Variants in SPAG16 observed in about 807,000 individuals in gnomAD.
SPAG16 encodes sperm associated antigen 16.
Under a neutral mutation model 80.4 loss-of-function variants are expected in SPAG16, and 86 were observed. That is an observed-to-expected ratio of 1.07 (90% CI 0.90 to 1.28). SPAG16 has a LOEUF of 1.28. SPAG16 is among the 50% of genes most tolerant of loss of function. The probability of loss-of-function intolerance (pLI) is 0.00; values close to 1 mark genes in which losing one functional copy is unlikely to be tolerated. For missense variants in SPAG16, 870 were observed against 765.3 expected (o/e 1.14, Z -1.61); for synonymous variants, 294 against 265.9 (o/e 1.11, Z -1.03).
At chr2:213,871,152 A>C (rs2075928006) in intron 11 of SPAG16, among the ~76,000 whole-genome samples, 2 of 152,184 alleles carry the variant, frequency 1.3e-5, no homozygotes, top group African/African-American at 4.8e-5. Context: ...TTGGACAAAA[A>C]ATCCTAAAAT....
At chr2:214,126,879 A>G (rs1249286332) in intron 14 of SPAG16, among the ~76,000 whole-genome samples, 2 of 151,890 alleles carry the variant, frequency 1.3e-5, no homozygotes, top group African/African-American at 4.8e-5. Flanking sequence ...ACATACATAT[A>G]TATTTTTAAA....
At chr2:214,289,109 G>A (rs2125926971) in intron 15 of SPAG16, among the ~76,000 whole-genome samples, 1 of 152,224 alleles carries the variant, frequency 6.6e-6, no homozygotes, top group South Asian at 2.1e-4. Flanking sequence ...TTGTTGATGA[G>A]TTGTTTTGAG....
chr2:213,666,435 C>A (rs570446114), intron 10 of SPAG16, among the ~76,000 whole-genome samples: 2 of 152,212 alleles, frequency 1.3e-5, no homozygotes, highest in African/African-American at 4.8e-5. Context: ...TCAGTGATAT[C>A]ATTAGTTATC....
chr2:213,656,459 G>T (rs768353297), intron 10 of SPAG16, among the ~76,000 whole-genome samples: 1 of 152,262 alleles, frequency 6.6e-6, no homozygotes, highest in African/African-American at 2.4e-5. Context: ...GCACCCGGCC[G>T]ATGTGTGCCA....
chr2:213,496,028 T>C (rs918419081), intron 10 of SPAG16, among the ~76,000 whole-genome samples: 3 of 152,096 alleles, frequency 2.0e-5, no homozygotes, highest in Non-Finnish European at 2.9e-5. Flanking sequence ...TTAGAGGATT[T>C]TGAACAGAAG....
chr2:213,997,737 G>A lies in SPAG16; in HGVS notation c.1401-16214G>A, dbSNP rs144697688. ...ATAAAATACACTAGTGATAGCTGAT[G>A]AGGTTATAAAAAAATTGCCAGTCTC... is the stretch of plus-strand genomic sequence containing the variant. On this transcript the variant is annotated intron_variant, in intron 12 of 15. Coordinates refer to ENST00000331683, the MANE Select transcript of SPAG16 (RefSeq NM_024532.5). 8.5e-3 allele frequency among the ~76,000 whole-genome samples: 1,294 copies of A among 152,274 alleles called. 18 individuals carry two copies. The highest frequency in any genetic ancestry group is 0.029 in the African/African-American group (1,204 of 41,556).
At chr2:213,865,611 G>A (rs1295294842) in intron 11 of SPAG16, among the ~76,000 whole-genome samples, 8 of 149,556 alleles carry the variant, frequency 5.3e-5, no homozygotes, top group Admixed American at 2.7e-4. Context: ...AATTAATAAT[G>A]AGAATAGAAA....
chr2:213,668,944 G>A (rs2063717393), intron 10 of SPAG16, among the ~76,000 whole-genome samples: 1 of 152,038 alleles, frequency 6.6e-6, no homozygotes, highest in South Asian at 2.1e-4. Flanking sequence ...CACTGCGCCC[G>A]GCCTGAGAAA....
At chr2:213,410,574 T>G (rs1199568556) in intron 9 of SPAG16, among the ~76,000 whole-genome samples, 1 of 152,044 alleles carries the variant, frequency 6.6e-6, no homozygotes, top group Non-Finnish European at 1.5e-5. Context: ...AACCAACTGG[T>G]TTTTGTAATT....
chr2:213,647,890 T>G (rs1303120021), intron 10 of SPAG16, among the ~76,000 whole-genome samples: 2 of 152,184 alleles, frequency 1.3e-5, no homozygotes, highest in Admixed American at 1.3e-4. Flanking sequence ...CTTCAATTCA[T>G]TGGCTCCCTT....
chr2:213,672,457 T>A (rs1048362142), intron 10 of SPAG16, among the ~76,000 whole-genome samples: 2 of 152,154 alleles, frequency 1.3e-5, no homozygotes, highest in African/African-American at 2.4e-5. Context: ...TAAGATTTTT[T>A]AAAAGGAAGA....
chr2:213,288,906 T>C (rs993722790), intron 1 of SPAG16, among the ~76,000 whole-genome samples: 3 of 152,128 alleles, frequency 2.0e-5, no homozygotes, highest in African/African-American at 7.3e-5. Context: ...ACCCCGTGTA[T>C]ATTCAAATGA....
intron 9 of SPAG16, among the ~76,000 whole-genome samples, chr2:213,445,950 T>C (rs1318189067): frequency 6.6e-6 from 1 of 152,208 alleles, no homozygotes; most frequent in Non-Finnish European, 1.5e-5. Flanking sequence ...TTCCAGCCCC[T>C]TAGGGTTAGA....
At chr2:213,898,226 A>T (rs1414087309) in intron 11 of SPAG16, among the ~76,000 whole-genome samples, 1 of 152,190 alleles carries the variant, frequency 6.6e-6, no homozygotes, top group Non-Finnish European at 1.5e-5. Context: ...TAAGAACATG[A>T]ACGTTCTGAT....
chr2:213,351,438 G>C (rs2065321001), intron 7 of SPAG16, among the ~76,000 whole-genome samples: 1 of 152,040 alleles, frequency 6.6e-6, no homozygotes, highest in Non-Finnish European at 1.5e-5. Context: ...TCAAGTTTTT[G>C]GTTATTTTTG....
At chr2:213,479,945 T>C (rs1373509968) in intron 9 of SPAG16, among the ~76,000 whole-genome samples, 1 of 152,200 alleles carries the variant, frequency 6.6e-6, no homozygotes, top group Non-Finnish European at 1.5e-5. Context: ...ATATATCTCT[T>C]CATATGTCCA....
rs557241247 is a variant in SPAG16 at position 213,910,551 on chromosome 2, C to T, written c.1215-19409C>T. 8.1e-5 allele frequency among the ~76,000 whole-genome samples: 7 copies of T among 86,256 alleles called. 2 individuals are homozygous for T. The East Asian group carries it at 1.3e-3, about 15-fold the overall frequency. The allele number at this position is 86,256 out of a possible 152,430, so 56.6% of individuals were successfully genotyped here. On this transcript the variant is annotated intron_variant, in intron 11 of 15. Transcript: ENST00000331683. The stretch of plus-strand genomic sequence containing the variant: ...TCGCCCAGGCTGGAGTGCAGTGGCG[C>T]GATCTCGGCTCACTGCAAGCTCCGC...
chr2:213,566,842 T>A (rs949983559), intron 10 of SPAG16, among the ~76,000 whole-genome samples: 1 of 152,206 alleles, frequency 6.6e-6, no homozygotes, highest in Non-Finnish European at 1.5e-5. Flanking sequence ...TATATTGATA[T>A]AGTTAATGGT....
Position 213,455,926 on chromosome 2 carries a change from C to T in SPAG16, c.943-34037C>T, listed in dbSNP as rs370768376. ...TCCAGCACCACTCCTGCATGCCTTC[C>T]ATTCCAGGTTGCCCTTTTAAAACCC... On this transcript the variant is annotated intron_variant, in intron 9 of 15. Coordinates refer to ENST00000331683, the MANE Select transcript of SPAG16 (RefSeq NM_024532.5). Among the ~76,000 whole-genome samples, 7 of 152,278 alleles carry T rather than the reference C, an allele frequency of 4.6e-5. No homozygotes were observed. In the East Asian group the frequency reaches 1.2e-3, roughly 25 times the overall value.
Sources: allele counts gnomAD v4.1 joint callset (sites outside exome capture counted in the v4.1 genomes callset), GRCh38; gene constraint gnomAD v4.1.1; transcripts MANE v1.5; gene names NCBI Gene and HGNC (gene_info 2026-07-23, HGNC 2026-07-21).